SLC26A11: variants seen among roughly 807,000 people sequenced by gnomAD.
The protein encoded by SLC26A11 is solute carrier family 26 member 11.
Under a neutral mutation model 62.2 loss-of-function variants are expected in SLC26A11, and 58 were observed. The ratio of observed to expected loss-of-function variants is 0.93; its 90% CI spans 0.76 to 1.16. SLC26A11 has a LOEUF of 1.16. SLC26A11 is among the 50% of genes most tolerant of loss of function. The pLI, the probability that SLC26A11 is intolerant of heterozygous loss-of-function variation, is 0.00. For missense variants in SLC26A11, 790 were observed against 794.3 expected, an observed-to-expected ratio of 0.99 and a Z score of 0.06; for synonymous variants, 411 against 368.9, an observed-to-expected ratio of 1.11 and a Z score of -1.31.
At position 80,252,012 on chromosome 17, in the gene SLC26A11, C is replaced by T. The variant is rs1476378915; in HGVS notation, c.1729+611C>T. Among the ~76,000 whole-genome samples the T allele has an allele frequency of 2.0e-5, 3 of 152,162 alleles. No homozygotes were observed. Among genetic ancestry groups the T allele is most frequent in the African/African-American group, 4.8e-5 (2 of 41,512 alleles). On this transcript the variant is annotated intron_variant, in intron 17 of 17. Coordinates refer to ENST00000361193, the MANE Select transcript of SLC26A11 (RefSeq NM_001166347.2). This position sits in a 1 kb window ranked among gnomAD's most constrained non-coding sequence, Gnocchi z 5.2. ...CCGGGGGATCAGGACAGAGCAGGGCCGGGTCAGGAGATCCAGAAGCCCCGG... is the reference window on the plus strand; with the variant it reads ...CCGGGGGATCAGGACAGAGCAGGGCTGGGTCAGGAGATCCAGAAGCCCCGG...
chr17:80,248,822 G>C, intron 15 of SLC26A11, 148 bp downstream of exon 15: 1 of 805,408 alleles, frequency 1.2e-6, no homozygotes, highest in Non-Finnish European at 1.9e-6. Flanking sequence ...ACCGTCCTCT[G>C]TGGGCCTCAG....
rs1348130452 is a variant in SLC26A11 at position 80,248,221 on chromosome 17, C to T, written c.1386C>T (p.Leu462=). The T allele has an allele frequency of 5.0e-6, 8 of 1,609,480 alleles. No homozygotes were observed. The East Asian group carries it at 1.3e-4, about 27-fold the overall frequency. The change falls in exon 14 of 18, where the codon CTC becomes CTT. Residue 462 remains leucine, a synonymous_variant. Transcript: ENST00000361193. ...GILAGALVSL[L]MLLHSAARPE... is the part of the protein sequence containing the mutation. The stretch of plus-strand genomic sequence containing the variant: ...TGGCCGGGGCCCTGGTGTCTCTGCT[C>T]ATGCTCCTGCACTCTGCAGCCAGGC...
intron 14 of SLC26A11, 106 bp downstream of exon 14, chr17:80,248,363 A>C: frequency 6.9e-7 from 1 of 1,452,116 alleles, no homozygotes. Flanking sequence ...GGTGCTGCTG[A>C]AGGGGACCGC....
At chr17:80,244,086 G>A (rs1331723766) in intron 10 of SLC26A11, among the ~76,000 whole-genome samples, 1 of 152,346 alleles carries the variant, frequency 6.6e-6, no homozygotes, top group African/African-American at 2.4e-5. Context: ...CCCTGATACT[G>A]AGTTGGCCCC....
intron 3 of SLC26A11, 69 bp downstream of exon 3, chr17:80,221,863 A>C (rs1377386648): frequency 1.4e-6 from 2 of 1,439,702 alleles, no homozygotes; most frequent in Non-Finnish European, 1.9e-6. Context: ...TCAATCCCAG[A>C]CACCATCAGC....
chr17:80,248,750 C>A, intron 15 of SLC26A11, 76 bp downstream of exon 15: 1 of 1,396,154 alleles, frequency 7.2e-7, no homozygotes, highest in East Asian at 2.5e-5. Context: ...GTTCAGGACC[C>A]CAAGACCCTG....
rs1429691888 is a variant in SLC26A11 at position 80,223,727 on chromosome 17, T to G, written c.513+390T>G. On this transcript the variant is annotated intron_variant, in intron 5 of 17. Coordinates refer to ENST00000361193, the MANE Select transcript of SLC26A11 (RefSeq NM_001166347.2). The surrounding 1 kb of genome is among the most constrained non-coding windows in gnomAD (Gnocchi z 4.6). Reference sequence around the variant, plus strand: ...GCTAGAATTTCTATAGGCAAATTATTTCCCCATGCCAATTTAGTTAGATGG... The same window carrying G: ...GCTAGAATTTCTATAGGCAAATTATGTCCCCATGCCAATTTAGTTAGATGG... 6.6e-6 allele frequency among the ~76,000 whole-genome samples: 1 copy of G among 152,228 alleles called. No homozygotes were observed. The highest frequency in any genetic ancestry group is 1.9e-4 in the East Asian group (1 of 5,204).
At chr17:80,233,068 C>T (rs987584078) in intron 7 of SLC26A11, among the ~76,000 whole-genome samples, 5 of 152,038 alleles carry the variant, frequency 3.3e-5, no homozygotes, top group African/African-American at 1.2e-4. Context: ...GGCAACATGG[C>T]GAAACCCCAT....
chr17:80,251,777 CAAAA>C (rs1020356950), intron 17 of SLC26A11, among the ~76,000 whole-genome samples: 1 of 147,532 alleles, frequency 6.8e-6, no homozygotes, highest in Non-Finnish European at 1.5e-5. Context: ...AAAAAAAAAA[CAAAA>C]AAAACAGGAA....
rs528825807 is a variant in SLC26A11 at position 80,221,620 on chromosome 17, G to A, written c.60G>A (p.Pro20=). Residue 20 remains proline, a synonymous_variant, in exon 3 of 18, where the codon CCG becomes CCA. Transcript: ENST00000361193. ...QARSSGPGMA[P]SACCCSPAAL... is the part of the protein sequence containing the mutation. ...GGTCCTCTGGCCCCGGGATGGCCCC[G>A]AGCGCCTGCTGCTGCTCCCCTGCGG... 5.6e-6 allele frequency: 9 copies of A among 1,609,766 alleles called. 1 individual carries two copies. The Admixed American group carries it at 8.3e-5, about 15-fold the overall frequency.
chr17:80,229,005 G>A (rs745616860), intron 7 of SLC26A11, among the ~76,000 whole-genome samples: 1 of 152,186 alleles, frequency 6.6e-6, no homozygotes, highest in Non-Finnish European at 1.5e-5. Flanking sequence ...ACCGGGCAGG[G>A]ATGCCCAGAG....
chr17:80,240,755 A>G lies in SLC26A11; in HGVS notation c.986-1016A>G, dbSNP rs1469118622. The stretch of plus-strand genomic sequence containing the variant: ...GAGGCAGAGGTTGCGGTGAGCCAAG[A>G]TCACTCCACTGCACTCCAGCCTGGG... On this transcript the variant is annotated intron_variant, in intron 9 of 17. Transcript: ENST00000361193. Among the ~76,000 whole-genome samples, 4 of 152,132 alleles carry G rather than the reference A, an allele frequency of 2.6e-5. No individual in the cohort carries two copies. The South Asian group carries it at 8.3e-4, about 32-fold the overall frequency.
At position 80,246,573 on chromosome 17, in the gene SLC26A11, C is replaced by T. The variant is rs1355794205; in HGVS notation, c.1218C>T (p.Ala406=). The T allele has an allele frequency of 1.2e-6, 2 of 1,613,968 alleles. No homozygotes were observed. The highest frequency in any genetic ancestry group is 2.2e-5 in the East Asian group (1 of 44,888). ...TGTTCTACTACATCCCCAAGTCTGC[C>T]CTGGCTGCCGTCATCATCATGGCCG... is the stretch of plus-strand genomic sequence containing the variant. ...TSLFYYIPKS[A]LAAVIIMAVA... The change falls in exon 13 of 18, where the codon GCC becomes GCT. Residue 406 remains alanine, a synonymous_variant. Coordinates refer to ENST00000361193, the MANE Select transcript of SLC26A11 (RefSeq NM_001166347.2). This position sits in a 1 kb window ranked among gnomAD's most constrained non-coding sequence, Gnocchi z 4.4.
rs2042199320 is a variant in SLC26A11 at position 80,221,642 on chromosome 17, G to A, written c.82G>A (p.Ala28Thr). Residue 28 changes from alanine (A) to threonine (T), a missense_variant, in exon 3 of 18, where the codon GCG (alanine) becomes ACG (threonine). Coordinates refer to ENST00000361193, the MANE Select transcript of SLC26A11 (RefSeq NM_001166347.2). ...CCCGAGCGCCTGCTGCTGCTCCCCT[G>A]CGGCCCTGCAGAGGAGGCTGCCCAT... ...MAPSACCCSP[A>T]ALQRRLPILA... 1 of 1,612,016 alleles carries A rather than the reference G, an allele frequency of 6.2e-7. No homozygotes were observed. The highest frequency in any genetic ancestry group is 8.5e-7 in the Non-Finnish European group (1 of 1,179,882).
At position 80,223,829 on chromosome 17, in the gene SLC26A11, C is replaced by T. The variant is rs1238048972; in HGVS notation, c.513+492C>T. Among the ~76,000 whole-genome samples, 1 of 152,160 alleles carries T rather than the reference C, an allele frequency of 6.6e-6. No individual in the cohort carries two copies. The highest frequency in any genetic ancestry group is 1.5e-5 in the Non-Finnish European group (1 of 68,030). On this transcript the variant is annotated intron_variant, in intron 5 of 17. Coordinates refer to ENST00000361193, the MANE Select transcript of SLC26A11 (RefSeq NM_001166347.2). This position sits in a 1 kb window ranked among gnomAD's most constrained non-coding sequence, Gnocchi z 4.6. Reference sequence around the variant, plus strand: ...ATGCCTTTTATATTTTCTTTTAAAACATTTATAATAAGTACTAAAATCAGT... The same window carrying T: ...ATGCCTTTTATATTTTCTTTTAAAATATTTATAATAAGTACTAAAATCAGT...
intron 7 of SLC26A11, among the ~76,000 whole-genome samples, chr17:80,231,238 C>T (rs1294272499): frequency 6.8e-6 from 1 of 147,732 alleles, no homozygotes; most frequent in African/African-American, 2.5e-5. Flanking sequence ...TCTCAGCTCA[C>T]TGCAACCTCC....
In SLC26A11 at chr17:80,253,002, C is replaced by A. The variant is rs11541650; in HGVS notation, c.*286C>A. 0.027 allele frequency: 6,552 copies of A among 243,048 alleles called. 122 individuals are homozygous for A. The highest frequency in any genetic ancestry group is 0.038 in the Non-Finnish European group (4,705 of 123,642). 15.1% of individuals were successfully genotyped at this position (243,048 alleles called of 1,614,324 possible). Reference sequence around the variant, plus strand: ...GAGCCTTCTAGAATGACAGACTGTGCGAGGAAGCAGGGGCAGGGGTTTCCA... The same window carrying A: ...GAGCCTTCTAGAATGACAGACTGTGAGAGGAAGCAGGGGCAGGGGTTTCCA... On this transcript the variant is annotated 3_prime_UTR_variant, in exon 18 of 18. Coordinates refer to ENST00000361193, the MANE Select transcript of SLC26A11 (RefSeq NM_001166347.2).
chr17:80,223,311 G>T lies in SLC26A11; in HGVS notation c.487G>T (p.Val163Phe). The T allele has an allele frequency of 6.2e-7, 1 of 1,614,102 alleles. No individual in the cohort carries two copies. The highest frequency in any genetic ancestry group is 8.5e-7 in the Non-Finnish European group (1 of 1,180,026). Reference sequence around the variant, plus strand: ...TAAAGGCTTCACCTCTGCTGCTGCCGTCACCATCGGCTTTGGACAGATCAA... The same window carrying T: ...TAAAGGCTTCACCTCTGCTGCTGCCTTCACCATCGGCTTTGGACAGATCAA... ...VIKGFTSAAA[V>F]TIGFGQIKNL... Residue 163 changes from valine (V) to phenylalanine (F), a missense_variant, in exon 5 of 18, where the codon GTC becomes TTC. Physicochemically the swap from Val to Phe is conservative, Grantham distance 50 (BLOSUM62 -1). Transcript: ENST00000361193. This position sits in a 1 kb window ranked among gnomAD's most constrained non-coding sequence, Gnocchi z 4.6.
At chr17:80,231,600 G>A (rs1419548118) in intron 7 of SLC26A11, among the ~76,000 whole-genome samples, 2 of 152,110 alleles carry the variant, frequency 1.3e-5, no homozygotes, top group African/African-American at 4.8e-5. Context: ...TTATATATAT[G>A]CTGTTCTTTA....
Sources: allele counts gnomAD v4.1 joint callset (sites outside exome capture counted in the v4.1 genomes callset), GRCh38; gene constraint gnomAD v4.1.1; non-coding constraint Gnocchi (gnomAD v3.1); transcripts MANE v1.5; gene names NCBI Gene and HGNC (gene_info 2026-07-23, HGNC 2026-07-21).